Variants in UGT2A2 observed in about 807,000 individuals in gnomAD.
UGT2A2 encodes UDP-glucuronosyltransferase 2A2.
A neutral mutation model predicts 50.7 loss-of-function variants in UGT2A2; 60 were observed. The ratio of observed to expected loss-of-function variants is 1.18; its 90% confidence interval spans 0.96 to 1.47. UGT2A2 has a LOEUF of 1.47. Among genes scored for constraint, UGT2A2 ranks in the 40% most tolerant of loss-of-function variants. The pLI is 0.00. For missense variants in UGT2A2, 762 were observed against 634.0 expected (o/e 1.20, Z -2.17); for synonymous variants, 242 against 214.6 (o/e 1.13, Z -1.11).
At chr4:69,589,798 A>G (rs1039148544) in intron 5 of UGT2A2, 147 bp from the exon 6 acceptor site, 2 of 1,247,542 alleles carry the variant, frequency 1.6e-6, no homozygotes, top group Admixed American at 5.7e-5. Flanking sequence ...TGTTAGTTGT[A>G]TAGGATTTTA....
chr4:69,631,437 T>A (rs1721381466), intron 1 of UGT2A2, among the ~76,000 whole-genome samples: 2 of 152,136 alleles, frequency 1.3e-5, no homozygotes, highest in Admixed American at 1.3e-4. Context: ...TCATCATAAA[T>A]TTTAAAACTA....
chr4:69,620,937 A>G (rs1224997196), intron 1 of UGT2A2, among the ~76,000 whole-genome samples: 1 of 151,904 alleles, frequency 6.6e-6, no homozygotes, highest in Admixed American at 6.6e-5. Context: ...GCTGGCATAA[A>G]TGGCTAGCCA....
At chr4:69,615,731 A>AACAAACAG (rs1720339762) in intron 1 of UGT2A2, among the ~76,000 whole-genome samples, 1 of 151,938 alleles carries the variant, frequency 6.6e-6, no homozygotes, top group African/African-American at 2.4e-5. Flanking sequence ...CAAGCAAACA[A>AACAAACAG]ACAGACAGAC....
rs1479578632 is a variant in UGT2A2 at position 69,605,037 on chromosome 4, C to T, written c.743-5643G>A. 1.5e-5 allele frequency among the ~76,000 whole-genome samples: 2 copies of T among 136,054 alleles called. 1 individual carries two copies. The highest frequency in any genetic ancestry group is 3.1e-5 in the Non-Finnish European group (2 of 64,164). 89.3% of individuals were successfully genotyped at this position (136,054 alleles called of 152,430 possible). ...TGAGACAGAAAGATAACAAGTATAT[C>T]CAGGAATTGAACTCAGCTCTGCACC... On this transcript the variant is annotated intron_variant, in intron 1 of 5. Transcript: ENST00000604629.
At chr4:69,608,447 C>T (rs961214660) in intron 1 of UGT2A2, among the ~76,000 whole-genome samples, 5 of 151,280 alleles carry the variant, frequency 3.3e-5, no homozygotes, top group Non-Finnish European at 7.4e-5. Context: ...GGAAGGATAG[C>T]GTTGGGAAAT....
At chr4:69,634,770 C>A (rs1022890694) in intron 1 of UGT2A2, among the ~76,000 whole-genome samples, 1 of 152,074 alleles carries the variant, frequency 6.6e-6, no homozygotes, top group African/African-American at 2.4e-5. Context: ...ATTCCTCAAT[C>A]TAATAAGAGA....
In UGT2A2 at chr4:69,596,368, A is replaced by C; in HGVS notation, c.905T>G (p.Phe302Cys). 3 of 1,597,090 alleles carry C rather than the reference A, an allele frequency of 1.9e-6. No homozygotes were observed. The highest frequency in any genetic ancestry group is 2.6e-6 in the Non-Finnish European group (3 of 1,171,518). ...ACCATTTTTACCTGAGCTCTGGATA[A>C]ATTCTTCCATTTCCTGCATACATAA... ...AKPLPKEMEE[F>C]IQSSGKNGVV... The change falls in exon 3 of 6, where the codon TTT becomes TGT. Residue 302 changes from phenylalanine to cysteine, a missense_variant. Transcript: ENST00000604629.
At chr4:69,596,952 C>G (rs1334166835) in intron 2 of UGT2A2, among the ~76,000 whole-genome samples, 1 of 152,216 alleles carries the variant, frequency 6.6e-6, no homozygotes, top group African/African-American at 2.4e-5. Context: ...CAACTCTTCT[C>G]ATGCTAACTG....
At chr4:69,594,327 A>T in intron 5 of UGT2A2, 150 bp downstream of exon 5, 1 of 1,096,666 alleles carries the variant, frequency 9.1e-7, no homozygotes, top group Non-Finnish European at 1.3e-6. Flanking sequence ...AAATCACTTT[A>T]GCAGTTTGGC....
intron 1 of UGT2A2, among the ~76,000 whole-genome samples, chr4:69,605,953 T>G (rs971407707): frequency 7.3e-6 from 1 of 136,134 alleles, no homozygotes; most frequent in Non-Finnish European, 1.6e-5. Context: ...CCAAAAAAAG[T>G]CCAGGACCAG....
At position 69,639,004 on chromosome 4, in the gene UGT2A2, T is replaced by C. The variant is rs202241694; in HGVS notation, c.637A>G (p.Met213Val). 387 of 1,613,194 alleles carry C rather than the reference T, an allele frequency of 2.4e-4. No individual in the cohort carries two copies. Among genetic ancestry groups the C allele is most frequent in the Non-Finnish European group, 3.0e-4 (352 of 1,179,588 alleles). The change falls in exon 1 of 6, where the codon ATG becomes GTG. Residue 213 changes from methionine to valine, a missense_variant. Physicochemically the swap from Met to Val is conservative, Grantham distance 21 (BLOSUM62 1). Coordinates refer to ENST00000604629, the MANE Select transcript of UGT2A2 (RefSeq NM_001105677.2). ...TTTTTAATCCTTTCACCAAAGGTCA[T>C]CTGGTCAGTGAGCTCTGATAAGGCT... is the stretch of plus-strand genomic sequence containing the variant. ...PAALSELTDQ[M>V]TFGERIKNTI...
chr4:69,616,428 C>T (rs1323909867), intron 1 of UGT2A2, among the ~76,000 whole-genome samples: 1 of 151,786 alleles, frequency 6.6e-6, no homozygotes, highest in Non-Finnish European at 1.5e-5. Context: ...TTATGGATAT[C>T]CCAATTATCC....
At chr4:69,621,180 C>A (rs1313238921) in intron 1 of UGT2A2, among the ~76,000 whole-genome samples, 2 of 151,954 alleles carry the variant, frequency 1.3e-5, no homozygotes, top group Non-Finnish European at 2.9e-5. Flanking sequence ...AGCTTCTGCA[C>A]AGCAAAATAA....
intron 4 of UGT2A2, 102 bp downstream of exon 4, chr4:69,595,060 C>G: frequency 6.9e-7 from 1 of 1,445,620 alleles, no homozygotes; most frequent in African/African-American, 1.4e-5. Flanking sequence ...TGTCAAATAA[C>G]ATTTTAAATT....
At chr4:69,627,890 T>C (rs1446896442) in intron 1 of UGT2A2, among the ~76,000 whole-genome samples, 2 of 152,016 alleles carry the variant, frequency 1.3e-5, no homozygotes, top group Non-Finnish European at 2.9e-5. Flanking sequence ...TAAAAAATAC[T>C]AAAATATTAT....
chr4:69,596,742 C>T (rs1035728582), intron 2 of UGT2A2, among the ~76,000 whole-genome samples: 2 of 152,086 alleles, frequency 1.3e-5, no homozygotes, highest in Non-Finnish European at 2.9e-5. Flanking sequence ...GGCTGGTCTC[C>T]ACCTCCTGGC....
At chr4:69,629,942 T>C (rs1721293931) in intron 1 of UGT2A2, among the ~76,000 whole-genome samples, 1 of 152,076 alleles carries the variant, frequency 6.6e-6, no homozygotes, top group South Asian at 2.1e-4. Flanking sequence ...ATCATTGCAA[T>C]AGAAATTTCT....
intron 1 of UGT2A2, among the ~76,000 whole-genome samples, chr4:69,608,354 G>C (rs2109910718): frequency 6.7e-6 from 1 of 149,324 alleles, no homozygotes; most frequent in Middle Eastern, 3.5e-3. Flanking sequence ...CTCACTCATA[G>C]GAGGGAATTG....
At chr4:69,614,792 G>C (rs1208748740) in intron 1 of UGT2A2, among the ~76,000 whole-genome samples, 2 of 152,004 alleles carry the variant, frequency 1.3e-5, no homozygotes, top group Non-Finnish European at 2.9e-5. Context: ...CCTCTGAGTA[G>C]TCTGTTCTCA....
Sources: gnomAD v4.1 joint callset for allele counts (sites outside exome capture counted in the v4.1 genomes callset) on GRCh38, gnomAD v4.1.1 for gene constraint, MANE v1.5 for transcripts, NCBI Gene and HGNC (gene_info 2026-07-23, HGNC 2026-07-21) for gene names.